Variants in DCC observed in about 807,000 individuals in gnomAD.
DCC encodes the protein netrin receptor DCC.
DCC carries 58 observed loss-of-function variants against 172.5 expected under a neutral mutation model. The ratio of observed to expected loss-of-function variants is 0.34; its 90% CI spans 0.27 to 0.42. The LOEUF is 0.42. DCC is among the 10% of genes least tolerant of loss of function. DCC has a pLI of 1.00. For missense variants in DCC, 1,740 were observed against 1,791.0 expected (o/e 0.97, Z 0.51); for synonymous variants, 709 against 644.5 (o/e 1.10, Z -1.52).
intron 1 of DCC, among the ~76,000 whole-genome samples, chr18:52,429,460 A>C (rs1161326214): frequency 6.6e-6 from 1 of 152,148 alleles, no homozygotes; most frequent in Non-Finnish European, 1.5e-5. Context: ...GAGTGATAAG[A>C]GCATATTAAT....
chr18:52,373,395 T>G (rs879437132), intron 1 of DCC, among the ~76,000 whole-genome samples: 12 of 152,166 alleles, frequency 7.9e-5, no homozygotes, highest in Non-Finnish European at 1.6e-4. Context: ...AAATCAGCAA[T>G]TTTTCAGCTG....
chr18:52,907,665 C>T (rs377039115), intron 3 of DCC, among the ~76,000 whole-genome samples: 2 of 152,138 alleles, frequency 1.3e-5, no homozygotes, highest in Admixed American at 1.3e-4. Context: ...ATCTGCCTGC[C>T]TCAGCCTCCG....
chr18:52,634,104 G>A (rs531971074), intron 1 of DCC, among the ~76,000 whole-genome samples: 145 of 152,358 alleles, frequency 9.5e-4, no homozygotes, highest in South Asian at 1.9e-3. Flanking sequence ...CTCATTAAGT[G>A]ACTTCCTCAA....
At chr18:53,254,080 A>G (rs185797185) in intron 12 of DCC, among the ~76,000 whole-genome samples, 3 of 152,192 alleles carry the variant, frequency 2.0e-5, no homozygotes, top group Admixed American at 6.5e-5. Context: ...GAGCCAAGGG[A>G]TGTTTCCAGG....
At chr18:52,698,266 T>G (rs559271978) in intron 1 of DCC, among the ~76,000 whole-genome samples, 1 of 152,346 alleles carries the variant, frequency 6.6e-6, no homozygotes, top group African/African-American at 2.4e-5. Flanking sequence ...AGACCTGCCA[T>G]TTTTACTTGA....
chr18:53,502,701 C>T lies in DCC; in HGVS notation c.4111+3191C>T, dbSNP rs572149910. 2.4e-4 allele frequency among the ~76,000 whole-genome samples: 37 copies of T among 152,100 alleles called. No individual in the cohort carries two copies. The East Asian group carries it at 3.5e-3, about 14-fold the overall frequency. ...TAGTGATGAATTTATCTTTACTTAC[C>T]GCAAGTAATTACTTTAGAATATGGT... On this transcript the variant is annotated intron_variant, in intron 27 of 28. Transcript: ENST00000442544.
intron 12 of DCC, among the ~76,000 whole-genome samples, chr18:53,301,548 A>G (rs1006995733): frequency 1.3e-5 from 2 of 152,204 alleles, no homozygotes; most frequent in Admixed American, 6.5e-5. Context: ...TAACAAGCCT[A>G]TAACAAAAAC....
chr18:53,025,044 C>G (rs548286116), intron 5 of DCC, among the ~76,000 whole-genome samples: 64 of 152,004 alleles, frequency 4.2e-4, no homozygotes, highest in Non-Finnish European at 7.8e-4. Flanking sequence ...ATGGAGAAGG[C>G]TGATTCTTGA....
At chr18:52,765,856 G>A (rs1041001318) in intron 2 of DCC, among the ~76,000 whole-genome samples, 11 of 152,190 alleles carry the variant, frequency 7.2e-5, no homozygotes, top group Admixed American at 2.6e-4. Flanking sequence ...CCATGGAAAC[G>A]TTCTGGGCCT....
intron 13 of DCC, among the ~76,000 whole-genome samples, chr18:53,307,251 C>T (rs1205294868): frequency 6.6e-6 from 1 of 152,128 alleles, no homozygotes; most frequent in Non-Finnish European, 1.5e-5. Flanking sequence ...GAAAGTTTAA[C>T]ATTTACCATA....
chr18:52,738,900 TAAAA>T (rs59182653), intron 1 of DCC, among the ~76,000 whole-genome samples: 44 of 141,360 alleles, frequency 3.1e-4, no homozygotes, highest in East Asian at 4.1e-4. Context: ...TCTGGCTATT[TAAAA>T]AAAAAAAAAA....
intron 9 of DCC, among the ~76,000 whole-genome samples, chr18:53,184,002 T>TAAA (rs201337705): frequency 1.4e-5 from 2 of 138,436 alleles, no homozygotes; most frequent in Admixed American, 7.3e-5. Context: ...GCATCTCATT[T>TAAA]AAAAAAAAAA....
chr18:52,884,564 T>G (rs2039542041), intron 2 of DCC, among the ~76,000 whole-genome samples: 1 of 152,162 alleles, frequency 6.6e-6, no homozygotes. Context: ...TTTAATCTCT[T>G]TGTGAAATTT....
intron 2 of DCC, among the ~76,000 whole-genome samples, chr18:52,765,032 C>CTT (rs1193909081): frequency 1.5e-5 from 2 of 133,842 alleles, no homozygotes; most frequent in Admixed American, 7.2e-5. Context: ...TCTTTTTTTT[C>CTT]TTTTTTTTTT....
intron 13 of DCC, among the ~76,000 whole-genome samples, chr18:53,311,556 C>T (rs575854091): frequency 1.5e-4 from 23 of 152,298 alleles, no homozygotes; most frequent in Admixed American, 1.4e-3. Context: ...TTTCACTATG[C>T]GTGTTGTCAT....
At chr18:52,341,699 A>T (rs1201975506) in intron 1 of DCC, among the ~76,000 whole-genome samples, 1 of 152,210 alleles carries the variant, frequency 6.6e-6, no homozygotes, top group African/African-American at 2.4e-5. Context: ...CTGGCTGATC[A>T]GGACTGCTGT....
At chr18:52,988,413 C>T (rs1270753171) in intron 5 of DCC, among the ~76,000 whole-genome samples, 1 of 152,030 alleles carries the variant, frequency 6.6e-6, no homozygotes, top group East Asian at 1.9e-4. Context: ...AGGATTGCTC[C>T]TCTGTAGACA....
intron 12 of DCC, among the ~76,000 whole-genome samples, chr18:53,217,176 T>C (rs1176438214): frequency 1.3e-5 from 2 of 151,988 alleles, no homozygotes; most frequent in East Asian, 1.9e-4. Flanking sequence ...CATTACTGAA[T>C]GACCCTGGAT....
intron 1 of DCC, among the ~76,000 whole-genome samples, chr18:52,406,568 C>G (rs1986659650): frequency 6.6e-6 from 1 of 152,198 alleles, no homozygotes; most frequent in East Asian, 1.9e-4. Flanking sequence ...CAGATTCTTA[C>G]ATAGTCCAGG....
Sources: allele counts gnomAD v4.1 joint callset (sites outside exome capture counted in the v4.1 genomes callset), GRCh38; gene constraint gnomAD v4.1.1; transcripts MANE v1.5; gene names NCBI Gene and HGNC (gene_info 2026-07-23, HGNC 2026-07-21).